Variants in EXOC4 observed in about 807,000 individuals in gnomAD.
The protein encoded by EXOC4 is SEC8-like 1.
EXOC4 carries 71 observed loss-of-function variants against 107.2 expected under a neutral mutation model. That is an observed-to-expected ratio of 0.66 (90% confidence interval 0.55 to 0.81). The LOEUF (loss-of-function observed/expected upper bound fraction) is 0.81. Among genes scored for constraint, EXOC4 ranks in the 30% least tolerant of loss-of-function variants. The pLI, the probability that EXOC4 is intolerant of heterozygous loss-of-function variation, is 0.00. For missense variants in EXOC4, 1,108 were observed against 1,189.6 expected (o/e 0.93, Z 1.01); for synonymous variants, 456 against 441.2 (o/e 1.03, Z -0.42).
At chr7:133,369,788 C>A (rs1341418980) in intron 6 of EXOC4, among the ~76,000 whole-genome samples, 1 of 146,488 alleles carries the variant, frequency 6.8e-6, no homozygotes, top group Non-Finnish European at 1.5e-5. Flanking sequence ...ATCTCTCCTT[C>A]TACTAGATTT....
intron 9 of EXOC4, among the ~76,000 whole-genome samples, chr7:133,580,789 T>G (rs192619757): frequency 2.0e-5 from 3 of 152,342 alleles, no homozygotes; most frequent in Admixed American, 2.0e-4. Flanking sequence ...GTGTAGTGAC[T>G]TCCATTTAGT....
rs147669680 is a variant in EXOC4, at chr7:133,257,262, G to A, written c.86+4075G>A. ...CCGGGGGGGACAGAATCCTGATTAC[G>A]TGCTGATGTGTGATGTATGATTTGG... On this transcript the variant is annotated intron_variant, in intron 1 of 17. Transcript: ENST00000253861. Among the ~76,000 whole-genome samples, 512 of 152,134 alleles carry A rather than the reference G, an allele frequency of 3.4e-3. 5 individuals carry two copies. Among genetic ancestry groups the A allele is most frequent in the African/African-American group, 0.012 (479 of 41,474 alleles).
At chr7:133,619,240 A>C (rs2151004180) in intron 9 of EXOC4, among the ~76,000 whole-genome samples, 1 of 152,250 alleles carries the variant, frequency 6.6e-6, no homozygotes, top group South Asian at 2.1e-4. Context: ...TTTTGTATTT[A>C]CAGAGCACTC....
At chr7:133,286,049 C>A (rs1249210279) in intron 2 of EXOC4, among the ~76,000 whole-genome samples, 1 of 152,158 alleles carries the variant, frequency 6.6e-6, no homozygotes, top group African/African-American at 2.4e-5. Context: ...AGACACTGCA[C>A]TGAGCAGGCA....
At chr7:133,464,970 C>T (rs954019148) in intron 7 of EXOC4, among the ~76,000 whole-genome samples, 1 of 151,546 alleles carries the variant, frequency 6.6e-6, no homozygotes, top group Non-Finnish European at 1.5e-5. Context: ...CAGGCACATG[C>T]ATGCCTGGCT....
chr7:134,058,539 T>G (rs1795982359), intron 17 of EXOC4, among the ~76,000 whole-genome samples: 1 of 152,224 alleles, frequency 6.6e-6, no homozygotes, highest in African/African-American at 2.4e-5. Context: ...GTGTTAAATT[T>G]ACAACATGAC....
chr7:133,810,053 A>T (rs867241640), intron 10 of EXOC4, among the ~76,000 whole-genome samples: 14 of 151,814 alleles, frequency 9.2e-5, no homozygotes, highest in Middle Eastern at 3.4e-3. Context: ...CATGATGTCC[A>T]TTTTGTCCCA....
In EXOC4 at chr7:133,923,995, GT is replaced by G. The variant is rs55812659; in HGVS notation, c.2027+6266del. On this transcript the variant is annotated intron_variant, in intron 13 of 17. Coordinates refer to ENST00000253861, the MANE Select transcript of EXOC4 (RefSeq NM_021807.4). The stretch of plus-strand genomic sequence containing the variant: ...CTATAGTGTAGAGAGTAACTTGAGG[GT>G]TTTTTTTTCTATCAAGACAGGTAAA... 1.6e-3 allele frequency among the ~76,000 whole-genome samples: 246 copies of G among 150,954 alleles called. 1 individual carries two copies. The highest frequency in any genetic ancestry group is 5.6e-3 in the African/African-American group (230 of 41,138).
intron 9 of EXOC4, among the ~76,000 whole-genome samples, chr7:133,627,643 C>T (rs1308907688): frequency 1.3e-5 from 2 of 151,942 alleles, no homozygotes; most frequent in Non-Finnish European, 2.9e-5. Context: ...TTTTTGTAAC[C>T]GTACCATATG....
intron 5 of EXOC4, among the ~76,000 whole-genome samples, chr7:133,321,393 T>A (rs1406340841): frequency 6.6e-6 from 1 of 152,050 alleles, no homozygotes; most frequent in Admixed American, 6.6e-5. Context: ...CTATATTAGG[T>A]ATTTCTCCTA....
rs868536266 is a variant in EXOC4 at position 133,491,185 on chromosome 7, A to C, written c.1417+11047A>C. Among the ~76,000 whole-genome samples the C allele has an allele frequency of 1.7e-4, 26 of 152,372 alleles. No homozygotes were observed. In the South Asian group the frequency reaches 2.5e-3, roughly 15 times the overall value. On this transcript the variant is annotated intron_variant, in intron 9 of 17. Coordinates refer to ENST00000253861, the MANE Select transcript of EXOC4 (RefSeq NM_021807.4). ...AAACTGGAAAAGCCCATATTACAGT[A>C]ATATATGATAGTATGTATGAATGCG...
chr7:133,571,764 T>C (rs1316693214), intron 9 of EXOC4, among the ~76,000 whole-genome samples: 1 of 152,186 alleles, frequency 6.6e-6, no homozygotes. Flanking sequence ...TTTGGCTGTT[T>C]GGCTGTCTGG....
At chr7:133,635,445 A>T (rs1802685020) in intron 10 of EXOC4, among the ~76,000 whole-genome samples, 1 of 152,210 alleles carries the variant, frequency 6.6e-6, no homozygotes, top group Non-Finnish European at 1.5e-5. Flanking sequence ...TTGTTAGTAC[A>T]GTTCTTTCAT....
chr7:133,405,922 C>T (rs1797206926), intron 7 of EXOC4, among the ~76,000 whole-genome samples: 1 of 152,136 alleles, frequency 6.6e-6, no homozygotes. Flanking sequence ...ATCCATTTAC[C>T]TCACTTAGTA....
chr7:133,736,924 G>C, intron 10 of EXOC4, among the ~76,000 whole-genome samples: 1 of 152,086 alleles, frequency 6.6e-6, no homozygotes, highest in East Asian at 1.9e-4. Flanking sequence ...AGAACCTATT[G>C]TCTTGCTGAA....
chr7:133,486,686 C>T (rs2150869390), intron 9 of EXOC4, among the ~76,000 whole-genome samples: 1 of 152,236 alleles, frequency 6.6e-6, no homozygotes, highest in Non-Finnish European at 1.5e-5. Flanking sequence ...TTTAATCTTT[C>T]ATAGTCATCT....
At chr7:133,698,379 C>T (rs948777679) in intron 10 of EXOC4, among the ~76,000 whole-genome samples, 1 of 151,958 alleles carries the variant, frequency 6.6e-6, no homozygotes, top group Non-Finnish European at 1.5e-5. Context: ...GCAGGATGAT[C>T]GCTTGAGCCC....
chr7:133,572,717 A>G (rs143235636), intron 9 of EXOC4, among the ~76,000 whole-genome samples: 27 of 152,316 alleles, frequency 1.8e-4, no homozygotes, highest in African/African-American at 6.3e-4. Flanking sequence ...AGCCGTTGGC[A>G]TTCCAGGGAA....
chr7:133,673,411 G>A (rs1057440590), intron 10 of EXOC4, among the ~76,000 whole-genome samples: 3 of 152,152 alleles, frequency 2.0e-5, no homozygotes, highest in Non-Finnish European at 2.9e-5. Flanking sequence ...TGGACTTCAA[G>A]TGTTGAGAGT....
Sources: allele counts gnomAD v4.1 joint callset (sites outside exome capture counted in the v4.1 genomes callset), GRCh38; gene constraint gnomAD v4.1.1; transcripts MANE v1.5; gene names NCBI Gene and HGNC (gene_info 2026-07-23, HGNC 2026-07-21).